LARP4B: variants seen among roughly 807,000 people sequenced by gnomAD.
The protein encoded by LARP4B is la-related protein 4B.
Under a neutral mutation model 89.8 loss-of-function variants are expected in LARP4B, and 12 were observed. The observed-to-expected ratio is 0.13, with a 90% confidence interval of 0.09 to 0.22. The LOEUF (loss-of-function observed/expected upper bound fraction) is 0.22. Among genes scored for constraint, LARP4B ranks in the 10% least tolerant of loss-of-function variants. The pLI, the probability that LARP4B is intolerant of heterozygous loss-of-function variation, is 1.00. For missense variants in LARP4B, 757 were observed against 947.7 expected, an observed-to-expected ratio of 0.80 and a Z score of 2.64; for synonymous variants, 367 against 363.3, an observed-to-expected ratio of 1.01 and a Z score of -0.12.
upstream of LARP4B, among the ~76,000 whole-genome samples, chr10:936,496 T>G (rs1176516684): frequency 6.6e-6 from 1 of 152,036 alleles, no homozygotes; most frequent in Non-Finnish European, 1.5e-5. Context: ...GAGGCGGGTG[T>G]ATCATCTAAT....
chr10:822,015 G>C lies in LARP4B; in HGVS notation c.1485-1170C>G, dbSNP rs947746432. On this transcript the variant is annotated intron_variant, in intron 13 of 17. Coordinates refer to ENST00000316157, the MANE Select transcript of LARP4B (RefSeq NM_015155.3). The surrounding 1 kb of genome is among the most constrained non-coding windows in gnomAD (Gnocchi z 4.6). ...CCATGCCTGTGGCCTCACAGGGAGA[G>C]AGGGTCCTGGGCCTGCATTATGGAC... is the stretch of plus-strand genomic sequence containing the variant. Among the ~76,000 whole-genome samples the C allele has an allele frequency of 2.0e-5, 3 of 152,216 alleles. No individual in the cohort carries two copies. The highest frequency in any genetic ancestry group is 7.2e-5 in the African/African-American group (3 of 41,454).
chr10:837,669 G>A (rs1019008051), intron 7 of LARP4B, among the ~76,000 whole-genome samples: 3 of 152,170 alleles, frequency 2.0e-5, no homozygotes, highest in African/African-American at 4.8e-5. Flanking sequence ...CAGTCAATAC[G>A]ACAAGGCCCC....
the LARP4B span, among the ~76,000 whole-genome samples, chr10:954,668 G>A: frequency 1.3e-5 from 2 of 152,128 alleles, no homozygotes; most frequent in African/African-American, 2.4e-5. This position sits in a 1 kb window ranked among gnomAD's most constrained non-coding sequence, Gnocchi z 5.0. Context: ...GAGTGGCAGC[G>A]GAGTCCTTCA....
At chr10:943,986 G>A in the LARP4B span, among the ~76,000 whole-genome samples, 1 of 152,126 alleles carries the variant, frequency 6.6e-6, no homozygotes, top group Non-Finnish European at 1.5e-5. Flanking sequence ...GGAAGAACAT[G>A]AATAGCATGA....
chr10:938,775 G>T, the LARP4B span, among the ~76,000 whole-genome samples: 1 of 152,076 alleles, frequency 6.6e-6, no homozygotes, highest in South Asian at 2.1e-4. Flanking sequence ...TAAATCCGAG[G>T]GTAGGATATA....
At chr10:930,781 C>A (rs889304391) in intron 1 of LARP4B, among the ~76,000 whole-genome samples, 2 of 152,194 alleles carry the variant, frequency 1.3e-5, no homozygotes, top group Non-Finnish European at 2.9e-5. Context: ...CAAACACACA[C>A]CGAGCAACAG....
At chr10:832,113 G>A (rs1055988141) in intron 8 of LARP4B, among the ~76,000 whole-genome samples, 20 of 152,024 alleles carry the variant, frequency 1.3e-4, no homozygotes, top group African/African-American at 3.9e-4. Context: ...GCGCTATCTC[G>A]GCTCACTGCA....
chr10:935,534 C>A (rs1244749882), upstream of LARP4B, among the ~76,000 whole-genome samples: 1 of 152,156 alleles, frequency 6.6e-6, no homozygotes, highest in Non-Finnish European at 1.5e-5. Context: ...TCACATCATA[C>A]AATTTTCAGC....
the LARP4B span, chr10:987,070 T>G: frequency 6.6e-6 from 1 of 151,814 alleles, no homozygotes; most frequent in Non-Finnish European, 1.5e-5. Flanking sequence ...GTGGGAGAGG[T>G]TGAGGAAACA....
At chr10:819,256 T>C (rs1315850708) in intron 14 of LARP4B, 2 of 152,166 alleles carry the variant, frequency 1.3e-5, no homozygotes. Context: ...TCCCCAAAAA[T>C]GTATTTAAAT....
intron 3 of LARP4B, among the ~76,000 whole-genome samples, chr10:883,778 A>G (rs1428102850): frequency 1.2e-4 from 17 of 147,402 alleles, no homozygotes; most frequent in Admixed American, 1.2e-3. Context: ...CTATTTGAAA[A>G]AAAAAACAAT....
chr10:903,051 A>G (rs1271937460), intron 1 of LARP4B, among the ~76,000 whole-genome samples: 1 of 152,172 alleles, frequency 6.6e-6, no homozygotes, highest in Non-Finnish European at 1.5e-5. Flanking sequence ...GTCCATCAGC[A>G]TTTTATTCCA....
chr10:971,202 A>C, the LARP4B span: 1 of 152,250 alleles, frequency 6.6e-6, no homozygotes, highest in Non-Finnish European at 1.5e-5. Context: ...CTAATATCAA[A>C]GCAGGGAAAA....
the LARP4B span, among the ~76,000 whole-genome samples, chr10:956,706 G>A: frequency 5.3e-5 from 8 of 152,112 alleles, no homozygotes; most frequent in South Asian, 2.1e-4. This position sits in a 1 kb window ranked among gnomAD's most constrained non-coding sequence, Gnocchi z 4.3. Context: ...AGCAGTTTCC[G>A]ACTGGACTGC....
At chr10:885,816 T>A in intron 1 of LARP4B, 56 bp from the exon 2 acceptor site, 2 of 837,202 alleles carry the variant, frequency 2.4e-6, no homozygotes, top group Non-Finnish European at 3.7e-6. Context: ...TATGATTATT[T>A]AAATAAAATT....
At chr10:918,258 T>A (rs950957695) in intron 1 of LARP4B, among the ~76,000 whole-genome samples, 13 of 152,218 alleles carry the variant, frequency 8.5e-5, no homozygotes, top group Non-Finnish European at 1.9e-4. Context: ...TCTATGCTCC[T>A]GGGTTGCAAT....
At chr10:976,854 G>A in the LARP4B span, among the ~76,000 whole-genome samples, 1 of 151,130 alleles carries the variant, frequency 6.6e-6, no homozygotes. Context: ...TGTGGACCCG[G>A]CCTAGTAGAA....
chr10:825,462 C>A, intron 12 of LARP4B, 146 bp from the exon 13 acceptor site: 1 of 799,896 alleles, frequency 1.3e-6, no homozygotes, highest in Non-Finnish European at 1.9e-6. Context: ...TAACTCCTAA[C>A]ATATAGGATA....
intron 3 of LARP4B, among the ~76,000 whole-genome samples, chr10:867,556 T>C (rs1473444494): frequency 6.6e-6 from 1 of 152,190 alleles, no homozygotes; most frequent in Non-Finnish European, 1.5e-5. Context: ...GAACTCTAAA[T>C]GGTTATCAAG....
Sources: allele counts gnomAD v4.1 joint callset (sites outside exome capture counted in the v4.1 genomes callset), GRCh38; gene constraint gnomAD v4.1.1; non-coding constraint Gnocchi (gnomAD v3.1); transcripts MANE v1.5; gene names NCBI Gene and HGNC (gene_info 2026-07-23, HGNC 2026-07-21).